Variants in NCK2 observed in about 807,000 individuals in gnomAD.
NCK2 encodes the protein cytoplasmic protein NCK2.
A neutral mutation model predicts 33.9 loss-of-function variants in NCK2; 16 were observed. The ratio of observed to expected loss-of-function variants is 0.47; its 90% confidence interval spans 0.32 to 0.72. The LOEUF is 0.72. NCK2 is among the 30% of genes least tolerant of loss of function. The pLI, the probability that NCK2 is intolerant of heterozygous loss-of-function variation, is 0.03. For synonymous variants in NCK2, 273 were observed against 239.9 expected (o/e 1.14, Z -1.27); for missense variants, 418 against 537.3 (o/e 0.78, Z 2.19).
At chr2:105,765,302 GAATTTGT>G (rs1689901922) in intron 1 of NCK2, among the ~76,000 whole-genome samples, 1 of 152,176 alleles carries the variant, frequency 6.6e-6, no homozygotes, top group Non-Finnish European at 1.5e-5. Flanking sequence ...AAATTGACGA[GAATTTGT>G]ACATACTGTG....
intron 2 of NCK2, among the ~76,000 whole-genome samples, chr2:105,816,866 C>T (rs1288813423): frequency 6.6e-6 from 1 of 152,200 alleles, no homozygotes. Context: ...GGTACCTCCA[C>T]ACTCAGATAT....
At chr2:105,872,908 G>A (rs1027352103) in intron 3 of NCK2, among the ~76,000 whole-genome samples, 2 of 152,364 alleles carry the variant, frequency 1.3e-5, no homozygotes, top group South Asian at 2.1e-4. Context: ...TGAGCAGTGA[G>A]TACATTCTGA....
chr2:105,782,830 T>A (rs1364402802), intron 1 of NCK2, among the ~76,000 whole-genome samples: 1 of 152,224 alleles, frequency 6.6e-6, no homozygotes, highest in Non-Finnish European at 1.5e-5. Context: ...CTCTCAGAGC[T>A]GGCTTCCAGT....
intron 3 of NCK2, chr2:105,857,271 G>C (rs1163618660): frequency 6.6e-6 from 1 of 152,230 alleles, no homozygotes; most frequent in Non-Finnish European, 1.5e-5. Flanking sequence ...GATCGGTTCA[G>C]CCAATGCGTG....
chr2:105,880,348 G>A (rs1678420877), intron 3 of NCK2, among the ~76,000 whole-genome samples: 1 of 152,200 alleles, frequency 6.6e-6, no homozygotes, highest in South Asian at 2.1e-4. Context: ...TCGATTGAAG[G>A]TATCAGCTAA....
Position 105,893,182 on chromosome 2 carries a change from C to T in NCK2, c.*6C>T. The T allele has an allele frequency of 6.3e-7, 1 of 1,579,084 alleles. No individual in the cohort carries two copies. The highest frequency in any genetic ancestry group is 1.1e-5 in the South Asian group (1 of 87,322). On this transcript the variant is annotated 3_prime_UTR_variant, in exon 5 of 5. Coordinates refer to ENST00000233154, the MANE Select transcript of NCK2 (RefSeq NM_003581.5). ...TCGTCAGGGCCCTGCAGTGACGGCG[C>T]CCCGGCCCCACACTCGCCTCCCGGG...
At chr2:105,847,635 G>A (rs183147279) in intron 2 of NCK2, among the ~76,000 whole-genome samples, 283 of 152,234 alleles carry the variant, frequency 1.9e-3, no homozygotes, top group Non-Finnish European at 3.4e-3. Flanking sequence ...GGTGGGACAC[G>A]CAGGGTACAT....
At chr2:105,744,878 C>CGCA (rs1689213353), upstream of NCK2, 1 of 160,946 alleles carries the variant, frequency 6.2e-6, no homozygotes, top group Non-Finnish European at 1.3e-5. Flanking sequence ...CCGCCGCCGC[C>CGCA]GCCGCCGCCG....
chr2:105,813,428 A>G (rs1436986921), intron 1 of NCK2, among the ~76,000 whole-genome samples: 5 of 152,232 alleles, frequency 3.3e-5, no homozygotes, highest in Non-Finnish European at 7.4e-5. Flanking sequence ...TTGGGCTGTC[A>G]TCAGAACAAG....
chr2:105,881,358 C>T lies in NCK2; in HGVS notation c.257C>T (p.Ala86Val), dbSNP rs913136866. Reference sequence around the variant, plus strand: ...GGCAAGACGCGCAGGAAGACCAGCGCGCGGGATGCGTCCCCCACGCCCAGC... The same window carrying T: ...GGCAAGACGCGCAGGAAGACCAGCGTGCGGGATGCGTCCCCCACGCCCAGC... ...GLGKTRRKTS[A>V]RDASPTPSTD... The change falls in exon 4 of 5, where the codon GCG (alanine) becomes GTG (valine). Residue 86 changes from alanine (A) to valine (V), a missense_variant. Ala to Val is a moderately conservative substitution (Grantham distance 64). Transcript: ENST00000233154. The T allele has an allele frequency of 1.2e-6, 2 of 1,605,722 alleles. No individual in the cohort carries two copies. The highest frequency in any genetic ancestry group is 1.3e-5 in the African/African-American group (1 of 75,022).
chr2:105,756,892 C>A (rs1689612983), intron 1 of NCK2, among the ~76,000 whole-genome samples: 1 of 152,152 alleles, frequency 6.6e-6, no homozygotes, highest in South Asian at 2.1e-4. Context: ...ACAACCTCCC[C>A]CCTCCTGGGT....
intron 1 of NCK2, among the ~76,000 whole-genome samples, chr2:105,762,022 C>T (rs975160144): frequency 2.0e-5 from 3 of 152,118 alleles, no homozygotes; most frequent in African/African-American, 7.2e-5. Context: ...TAAGTTTTTG[C>T]GTTGACTACA....
At chr2:105,882,163 C>T (rs2104664078) in intron 4 of NCK2, 114 bp downstream of exon 4, 7 of 1,197,694 alleles carry the variant, frequency 5.8e-6, no homozygotes, top group East Asian at 3.0e-5. Flanking sequence ...GAGCGGGAGA[C>T]GCAGATGAAT....
At chr2:105,824,719 C>T (rs1432310699) in intron 2 of NCK2, among the ~76,000 whole-genome samples, 3 of 152,104 alleles carry the variant, frequency 2.0e-5, no homozygotes. Flanking sequence ...TTTTAACTTC[C>T]GGCCTTGGTT....
intron 1 of NCK2, among the ~76,000 whole-genome samples, chr2:105,809,175 C>T (rs1675199192): frequency 6.6e-6 from 1 of 152,146 alleles, no homozygotes; most frequent in Non-Finnish European, 1.5e-5. Flanking sequence ...AAGTGTGGGT[C>T]ACCTGGTGGT....
rs1679087536 is a variant in NCK2 at position 105,893,554 on chromosome 2, A to G, written c.*378A>G. 8.4e-6 allele frequency: 2 copies of G among 237,516 alleles called. No homozygotes were observed. The highest frequency in any genetic ancestry group is 2.2e-5 in the African/African-American group (1 of 45,512). 14.7% of individuals were successfully genotyped at this position (237,516 alleles called of 1,614,324 possible). A position where few individuals can be genotyped will look rare whatever the true frequency, so the allele number is the denominator to read the frequency against. On this transcript the variant is annotated 3_prime_UTR_variant, in exon 5 of 5. Transcript: ENST00000233154. ...GGCAGCGCCCGTGTCCTGGGCACTC[A>G]GCGTGCTGGGCAGAGCAGGTGCGAT...
chr2:105,757,177 T>C (rs1689624487), intron 1 of NCK2, among the ~76,000 whole-genome samples: 1 of 152,202 alleles, frequency 6.6e-6, no homozygotes, highest in Non-Finnish European at 1.5e-5. Context: ...GGAATAGAGA[T>C]GAGTCTCCTT....
intron 4 of NCK2, among the ~76,000 whole-genome samples, chr2:105,891,203 C>T (rs747008561): frequency 9.2e-5 from 14 of 152,190 alleles, no homozygotes; most frequent in Admixed American, 1.3e-4. Context: ...CATCTGCGCA[C>T]GCTCACACAC....
chr2:105,856,752 G>A (rs1440357713), intron 3 of NCK2: 2 of 152,196 alleles, frequency 1.3e-5, no homozygotes, highest in Non-Finnish European at 2.9e-5. Context: ...TCAGCCTGAT[G>A]GAGAAATTTC....
Sources: allele counts gnomAD v4.1 joint callset (sites outside exome capture counted in the v4.1 genomes callset), GRCh38; gene constraint gnomAD v4.1.1; transcripts MANE v1.5; gene names NCBI Gene and HGNC (gene_info 2026-07-23, HGNC 2026-07-21).